Variants in SHANK2 observed in about 807,000 individuals in gnomAD.
SHANK2 encodes the protein SH3 and multiple ankyrin repeat domains 2.
Under a neutral mutation model 133.7 loss-of-function variants are expected in SHANK2, and 43 were observed. The observed-to-expected ratio is 0.32, with a 90% confidence interval of 0.25 to 0.41. The LOEUF is 0.41. SHANK2 is among the 10% of genes least tolerant of loss of function. The pLI is 1.00. For missense variants in SHANK2, 1,994 were observed against 2,235.8 expected (o/e 0.89, Z 2.18); for synonymous variants, 1,017 against 952.8 (o/e 1.07, Z -1.24).
At chr11:71,227,676 G>A (rs1048769200) in intron 1 of SHANK2, among the ~76,000 whole-genome samples, 2 of 152,006 alleles carry the variant, frequency 1.3e-5, no homozygotes, top group Non-Finnish European at 2.9e-5. Flanking sequence ...AATCAGCAAG[G>A]ATACAGAACT....
intron 15 of SHANK2, among the ~76,000 whole-genome samples, chr11:70,679,510 C>T (rs973037031): frequency 9.2e-5 from 14 of 152,250 alleles, no homozygotes; most frequent in East Asian, 1.9e-4. Flanking sequence ...CTGGCAGCAG[C>T]GGAGGCTTCC....
At position 70,556,313 on chromosome 11, in the gene SHANK2, C is replaced by G. The variant is rs368801519; in HGVS notation, c.2062-53382G>C. On this transcript the variant is annotated intron_variant, in intron 17 of 25. Transcript: ENST00000601538. ...TACTGAAGGACATCCAGGCTACATC[C>G]AGTTTTTGGCAATAAAGCTGCTATA... Among the ~76,000 whole-genome samples the G allele has an allele frequency of 1.7e-4, 26 of 152,342 alleles. No individual in the cohort carries two copies. In the South Asian group the frequency reaches 3.3e-3, roughly 19 times the overall value.
At chr11:70,597,694 G>A (rs748891717) in intron 17 of SHANK2, among the ~76,000 whole-genome samples, 5 of 152,166 alleles carry the variant, frequency 3.3e-5, no homozygotes, top group African/African-American at 7.2e-5. Context: ...CCAACATGGC[G>A]AAACCTCATC....
chr11:71,076,342 T>C (rs1590887007), intron 8 of SHANK2, among the ~76,000 whole-genome samples: 1 of 152,148 alleles, frequency 6.6e-6, no homozygotes, highest in Non-Finnish European at 1.5e-5. Flanking sequence ...GGGGTTCTCA[T>C]GAATCCTGCT....
intron 17 of SHANK2, among the ~76,000 whole-genome samples, chr11:70,621,964 G>T (rs909994785): frequency 6.6e-6 from 1 of 152,042 alleles, no homozygotes; most frequent in Non-Finnish European, 1.5e-5. Flanking sequence ...TTCTGAGCTC[G>T]TTTCTCTTCC....
At chr11:70,888,409 A>G (rs559703705) in intron 11 of SHANK2, among the ~76,000 whole-genome samples, 1 of 152,184 alleles carries the variant, frequency 6.6e-6, no homozygotes. Flanking sequence ...TTCGAGTCAG[A>G]TAAAACATTG....
At chr11:70,613,445 C>T (rs564046565) in intron 17 of SHANK2, among the ~76,000 whole-genome samples, 68 of 152,238 alleles carry the variant, frequency 4.5e-4, no homozygotes, top group East Asian at 9.7e-4. Flanking sequence ...CCTCGTGATC[C>T]GCCCACCTCG....
At chr11:71,118,786 C>T (rs1555100855) in intron 4 of SHANK2, 43 bp downstream of exon 4, 6 of 1,470,306 alleles carry the variant, frequency 4.1e-6, no homozygotes, top group Non-Finnish European at 5.5e-6. Flanking sequence ...GGCATCCAGG[C>T]TGTGACACAA....
intron 8 of SHANK2, among the ~76,000 whole-genome samples, chr11:71,079,899 GGGGA>G (rs1271120495): frequency 1.2e-5 from 1 of 85,818 alleles, no homozygotes; most frequent in Admixed American, 1.2e-4. Context: ...GGGGAAGGAA[GGGGA>G]GGGGAGGGGA....
In SHANK2 at chr11:71,206,700, C is replaced by T. The variant is rs782252991; in HGVS notation, c.-13+17997G>A. Reference sequence around the variant, plus strand: ...TCTGTACCCCCAGCATTTTGCAAGGCCGAGGCAGGAGGGTCACTCGAGGCC... The same window carrying T: ...TCTGTACCCCCAGCATTTTGCAAGGTCGAGGCAGGAGGGTCACTCGAGGCC... On this transcript the variant is annotated intron_variant, in intron 2 of 25. Coordinates refer to ENST00000601538, the MANE Select transcript of SHANK2 (RefSeq NM_012309.5). 2.6e-5 allele frequency among the ~76,000 whole-genome samples: 4 copies of T among 152,268 alleles called. 1 individual carries two copies. In the South Asian group the frequency reaches 8.3e-4, roughly 32 times the overall value.
chr11:70,492,430 A>C lies in SHANK2; in HGVS notation c.2344T>G (p.Ser782Ala). 6.2e-7 allele frequency: 1 copy of C among 1,613,948 alleles called. No homozygotes were observed. The highest frequency in any genetic ancestry group is 2.2e-5 in the East Asian group (1 of 44,876). Residue 782 changes from serine (S) to alanine (A), a missense_variant, in exon 22 of 26, where the codon TCC becomes GCC. Around this residue, in one of 5 missense-constraint regions of SHANK2, gnomAD observed 488 missense variants for 642.6 expected, o/e 0.76. Transcript: ENST00000601538. ...PEEIVPASKPSRAAENMAVEP... is the reference protein window; with the variant it reads ...PEEIVPASKPARAAENMAVEP... ...ACAGCCATGTTCTCAGCAGCGCGGG[A>C]GGGCTTGGAGGCCGGGACTATCTCC...
Position 71,071,143 on chromosome 11 carries a change from TG to T in SHANK2, c.1029+4015del, listed in dbSNP as rs1951136530. Among the ~76,000 whole-genome samples the T allele has an allele frequency of 7.2e-5, 11 of 152,346 alleles. No individual in the cohort carries two copies. The South Asian group carries it at 1.9e-3, about 26-fold the overall frequency. On this transcript the variant is annotated intron_variant, in intron 9 of 25. Transcript: ENST00000601538. ...CAATCTACTGGGGAAAATTAAGGAATGTTTTTTCCATCCAAAGCAGTAATTA... is the reference window on the plus strand; with the variant it reads ...CAATCTACTGGGGAAAATTAAGGAATTTTTTTCCATCCAAAGCAGTAATTA...
At chr11:70,948,722 G>GGGCCA (rs1290020205) in intron 10 of SHANK2, among the ~76,000 whole-genome samples, 2 of 152,194 alleles carry the variant, frequency 1.3e-5, no homozygotes, top group Admixed American at 6.5e-5. Context: ...CTTTCCAGAG[G>GGGCCA]GGCCACGCTC....
intron 17 of SHANK2, among the ~76,000 whole-genome samples, chr11:70,606,105 G>A (rs535993970): frequency 9.2e-5 from 14 of 152,204 alleles, no homozygotes; most frequent in African/African-American, 3.1e-4. Flanking sequence ...CATGGCAGGG[G>A]GGCAGCTGGA....
chr11:70,709,734 G>C (rs1359477724), intron 14 of SHANK2, among the ~76,000 whole-genome samples: 1 of 152,116 alleles, frequency 6.6e-6, no homozygotes, highest in Non-Finnish European at 1.5e-5. Context: ...AGCTGGCAAA[G>C]GTACGCAAGT....
At chr11:71,123,780 A>G (rs1555101995) in intron 3 of SHANK2, among the ~76,000 whole-genome samples, 2 of 152,218 alleles carry the variant, frequency 1.3e-5, no homozygotes. Flanking sequence ...GGCAAAGACA[A>G]CAGTGTATAG....
At chr11:71,199,352 T>C (rs772563739) in intron 2 of SHANK2, among the ~76,000 whole-genome samples, 1 of 152,248 alleles carries the variant, frequency 6.6e-6, no homozygotes, top group Non-Finnish European at 1.5e-5. Context: ...ACTGTGTCAC[T>C]ACCTGTAGGC....
rs1381822696 is a variant in SHANK2 at position 70,469,594 on chromosome 11, C to T, written c.*3275G>A. 8 of 150,778 alleles carry T rather than the reference C, an allele frequency of 5.3e-5. No homozygotes were observed. The highest frequency in any genetic ancestry group is 4.2e-4 in the South Asian group (2 of 4,790). The allele number at this position is 150,778 out of a possible 1,614,324, so 9.3% of individuals were successfully genotyped here. A position where few individuals can be genotyped will look rare whatever the true frequency, so the allele number is the denominator to read the frequency against. ...AACAGCAACATAGATAATGCGAACA[C>T]GTGTTGTTACACAAACTATAGTGTG... is the stretch of plus-strand genomic sequence containing the variant. On this transcript the variant is annotated 3_prime_UTR_variant, in exon 26 of 26. Transcript: ENST00000601538.
chr11:70,741,950 G>C (rs1259549525), intron 14 of SHANK2, among the ~76,000 whole-genome samples: 6 of 152,214 alleles, frequency 3.9e-5, no homozygotes, highest in Non-Finnish European at 8.8e-5. Context: ...GTTAAGGAAA[G>C]AGTCAGTGTC....
Sources: allele counts gnomAD v4.1 joint callset (sites outside exome capture counted in the v4.1 genomes callset), GRCh38; gene constraint gnomAD v4.1.1; regional missense constraint gnomAD v4.1.1; transcripts MANE v1.5; gene names NCBI Gene and HGNC (gene_info 2026-07-23, HGNC 2026-07-21).